Variants in BMP5 observed in about 807,000 individuals in gnomAD.
BMP5 encodes bone morphogenetic protein 5.
In BMP5, 23 loss-of-function variants were observed where a neutral mutation model predicts 46.6. The observed-to-expected ratio is 0.49, with a 90% CI of 0.35 to 0.70. The LOEUF (loss-of-function observed/expected upper bound fraction) is 0.70. Among genes scored for constraint, BMP5 ranks in the 30% least tolerant of loss-of-function variants. BMP5 has a pLI of 0.00. For synonymous variants in BMP5, 204 were observed against 191.9 expected (o/e 1.06, Z -0.52); for missense variants, 545 against 565.6 (o/e 0.96, Z 0.37).
At chr6:55,818,716 A>G (rs911279922) in intron 2 of BMP5, among the ~76,000 whole-genome samples, 2 of 152,184 alleles carry the variant, frequency 1.3e-5, no homozygotes, top group African/African-American at 4.8e-5. Context: ...GAAGACCAAG[A>G]CAAATCTAAA....
rs1775619983 is a variant in BMP5, at chr6:55,793,370, T to C, written c.832+909A>G. ...TTCACAGATCCATTGAACACCTCAG[T>C]GTGCTGTGATATGCATTCACTAATA... On this transcript the variant is annotated intron_variant, in intron 3 of 6. Coordinates refer to ENST00000370830, the MANE Select transcript of BMP5 (RefSeq NM_021073.4). 2.0e-5 allele frequency among the ~76,000 whole-genome samples: 3 copies of C among 152,206 alleles called. No individual in the cohort carries two copies. The South Asian group carries it at 6.2e-4, about 31-fold the overall frequency.
Position 55,874,607 on chromosome 6 carries a change from C to T in BMP5, c.259G>A (p.Ala87Thr). Residue 87 changes from alanine to threonine, a missense_variant, in exon 1 of 7, where the codon GCC (alanine) becomes ACC (threonine). Transcript: ENST00000370830. ...TCAGGATTTTCTTCATTGGTCATGG[C>T]ATTGTAGAGATCCAGCATAAAGAGA... ...APLFMLDLYN[A>T]MTNEENPEES... The T allele has an allele frequency of 6.2e-7, 1 of 1,613,504 alleles. No individual in the cohort carries two copies. Among genetic ancestry groups the T allele is most frequent in the South Asian group, 1.1e-5 (1 of 91,062 alleles).
At position 55,754,956 on chromosome 6, in the gene BMP5, T is replaced by C. The variant is rs1774544755; in HGVS notation, c.*577A>G. On this transcript the variant is annotated 3_prime_UTR_variant, in exon 7 of 7. Transcript: ENST00000370830. ...AAAGCAAACAGTTAAAACAATTCTG[T>C]GCAATCTTTCAGCTTCTATGTTCTG... 6.6e-6 allele frequency: 1 copy of C among 152,284 alleles called. No individual in the cohort carries two copies. The highest frequency in any genetic ancestry group is 1.5e-5 in the Non-Finnish European group (1 of 68,182). 9.4% of individuals were successfully genotyped at this position (152,284 alleles called of 1,614,324 possible).
At chr6:55,855,720 A>G (rs1053217365) in intron 1 of BMP5, among the ~76,000 whole-genome samples, 1 of 152,114 alleles carries the variant, frequency 6.6e-6, no homozygotes, top group African/African-American at 2.4e-5. Flanking sequence ...TTCTTTTGGT[A>G]CCAAACTTCC....
intron 2 of BMP5, among the ~76,000 whole-genome samples, chr6:55,807,559 A>G (rs1373838968): frequency 6.6e-6 from 1 of 152,234 alleles, no homozygotes; most frequent in African/African-American, 2.4e-5. Flanking sequence ...TTTTGGTATC[A>G]GGATGATGCT....
At chr6:55,858,827 C>A (rs1318193956) in intron 1 of BMP5, among the ~76,000 whole-genome samples, 1 of 152,182 alleles carries the variant, frequency 6.6e-6, no homozygotes, top group Admixed American at 6.5e-5. Flanking sequence ...AGTTCACGTC[C>A]TTTGCAGGGA....
chr6:55,781,053 T>C (rs1201467724), intron 3 of BMP5, among the ~76,000 whole-genome samples: 1 of 152,118 alleles, frequency 6.6e-6, no homozygotes, highest in Non-Finnish European at 1.5e-5. Flanking sequence ...CTAGGGATTG[T>C]AGTTTACCTC....
At chr6:55,860,682 T>C (rs1777510421) in intron 1 of BMP5, among the ~76,000 whole-genome samples, 1 of 152,198 alleles carries the variant, frequency 6.6e-6, no homozygotes, top group South Asian at 2.1e-4. Flanking sequence ...TTGCCTTGCT[T>C]TTCAAAGCAG....
intron 2 of BMP5, among the ~76,000 whole-genome samples, chr6:55,808,135 T>A (rs1278442356): frequency 6.6e-6 from 1 of 152,166 alleles, no homozygotes; most frequent in Non-Finnish European, 1.5e-5. Context: ...CACTAGGGGA[T>A]CAGGTCCAGG....
At chr6:55,859,255 T>C (rs763702205) in intron 1 of BMP5, among the ~76,000 whole-genome samples, 8 of 152,202 alleles carry the variant, frequency 5.3e-5, no homozygotes, top group Non-Finnish European at 8.8e-5. Context: ...CTCAATGTAA[T>C]TCTGTGTAAA....
chr6:55,840,356 T>A (rs1230013523), intron 1 of BMP5, among the ~76,000 whole-genome samples: 1 of 152,152 alleles, frequency 6.6e-6, no homozygotes, highest in Non-Finnish European at 1.5e-5. Context: ...CTTCTATTTC[T>A]CCTGACTTAT....
chr6:55,856,080 T>A (rs1381410714), intron 1 of BMP5, among the ~76,000 whole-genome samples: 1 of 152,198 alleles, frequency 6.6e-6, no homozygotes, highest in African/African-American at 2.4e-5. Flanking sequence ...AAAATACTAA[T>A]CTGTTCCTAT....
chr6:55,819,683 A>C lies in BMP5; in HGVS notation c.655T>G (p.Tyr219Asp). 1.2e-6 allele frequency: 2 copies of C among 1,613,216 alleles called. No individual in the cohort carries two copies. Among genetic ancestry groups the C allele is most frequent in the Non-Finnish European group, 1.7e-6 (2 of 1,179,366 alleles). Residue 219 changes from tyrosine (Y) to aspartate (D), a missense_variant, in exon 2 of 7, where the codon TAT becomes GAT. Tyr to Asp is a radical substitution (Grantham distance 160). Transcript: ENST00000370830. The part of the protein sequence containing the change: ...FENETIKISI[Y>D]QIIKEYTNRD... Reference sequence around the variant, plus strand: ...TTTGTGTATTCCTTGATGATTTGATATATGCTAATCTTAATTGTTTCATTT... The same window carrying C: ...TTTGTGTATTCCTTGATGATTTGATCTATGCTAATCTTAATTGTTTCATTT...
At chr6:55,827,215 A>G (rs750428017) in intron 1 of BMP5, among the ~76,000 whole-genome samples, 1 of 151,764 alleles carries the variant, frequency 6.6e-6, no homozygotes, top group Non-Finnish European at 1.5e-5. Flanking sequence ...GCTGTTAGAA[A>G]GGACTCATTA....
At chr6:55,854,786 CTT>C (rs1208579404) in intron 1 of BMP5, among the ~76,000 whole-genome samples, 1 of 152,026 alleles carries the variant, frequency 6.6e-6, no homozygotes, top group African/African-American at 2.4e-5. Context: ...ACAAATGACT[CTT>C]TTAAAAATAC....
At chr6:55,826,594 C>T (rs1383193296) in intron 1 of BMP5, among the ~76,000 whole-genome samples, 10 of 151,150 alleles carry the variant, frequency 6.6e-5, no homozygotes, top group Non-Finnish European at 4.4e-5. Flanking sequence ...TTAAATTAGG[C>T]CTAGCAATGA....
chr6:55,772,794 A>C (rs1230469785), intron 4 of BMP5: 2 of 985,102 alleles, frequency 2.0e-6, no homozygotes, highest in South Asian at 9.4e-5. Flanking sequence ...CCATACAGAA[A>C]TCTTCCCTCC....
intron 4 of BMP5, among the ~76,000 whole-genome samples, chr6:55,769,575 C>A (rs1053003679): frequency 6.6e-6 from 1 of 151,870 alleles, no homozygotes. Flanking sequence ...GAATCAACTT[C>A]TTCCAAACCC....
At chr6:55,764,655 G>A (rs1302267157) in intron 4 of BMP5, among the ~76,000 whole-genome samples, 1 of 151,122 alleles carries the variant, frequency 6.6e-6, no homozygotes, top group East Asian at 2.0e-4. Context: ...ACTGGAAGAT[G>A]TCAAGTGAGA....
Sources: gnomAD v4.1 joint callset for allele counts (sites outside exome capture counted in the v4.1 genomes callset) on GRCh38, gnomAD v4.1.1 for gene constraint, MANE v1.5 for transcripts, NCBI Gene and HGNC (gene_info 2026-07-23, HGNC 2026-07-21) for gene names.